HEY1: variants seen among roughly 807,000 people sequenced by gnomAD.
HEY1 encodes the protein hes related family bHLH transcription factor with YRPW motif 1.
HEY1 carries 9 observed loss-of-function variants against 28.7 expected under a neutral mutation model. The observed-to-expected ratio is 0.31, with a 90% CI of 0.19 to 0.55. The LOEUF is 0.55. Ranked by LOEUF, HEY1 falls within the 20% of genes least tolerant of loss-of-function variation. The pLI is 0.93. For missense variants in HEY1, 385 were observed against 399.4 expected, an observed-to-expected ratio of 0.96 and a Z score of 0.31; for synonymous variants, 213 against 175.6, an observed-to-expected ratio of 1.21 and a Z score of -1.68.
rs1400699255 is a variant in HEY1 at position 79,766,689 on chromosome 8, A to C, written c.293T>G (p.Val98Gly). ...CGTATGCAGCATTTTCAGGTGATCC[A>C]CGGTCATCTGCAGGATCTCGGCTTT... ...LEKAEILQMT[V>G]DHLKMLHTAG... is the part of the protein sequence containing the mutation. Residue 98 changes from valine (V) to glycine (G), a missense_variant, in exon 4 of 5, where the codon GTG becomes GGG. By Grantham distance (109) the Val-to-Gly change is moderately radical. Transcript: ENST00000354724. 6.2e-7 allele frequency: 1 copy of C among 1,614,226 alleles called. No homozygotes were observed. Among genetic ancestry groups the C allele is most frequent in the Non-Finnish European group, 8.5e-7 (1 of 1,180,042 alleles).
chr8:79,765,650 T>C lies in HEY1; in HGVS notation c.453A>G (p.Arg151=). The C allele has an allele frequency of 6.2e-7, 1 of 1,614,236 alleles. No individual in the cohort carries two copies. Among genetic ancestry groups the C allele is most frequent in the Non-Finnish European group, 8.5e-7 (1 of 1,180,036 alleles). The change falls in exon 5 of 5, where the codon CGA becomes CGG. Residue 151 remains arginine, a synonymous_variant. Transcript: ENST00000354724. The stretch of plus-strand genomic sequence containing the variant: ...TGTTGAGATGCGAAACCAGTCGAAC[T>C]CGAAGCGGGTCAGAGGCATCTAGTC... The part of the protein sequence containing the change: ...IEGLDASDPL[R]VRLVSHLNNY...
rs1478259478 is a variant in HEY1 at position 79,767,084 on chromosome 8, C to T, written c.174G>A (p.Glu58=). Reference sequence around the variant, plus strand: ...TATTGATCCGGTCTCGTCGGCGCTTCTCAATTATCTGCAGAAGGCAAGCAA... The same window carrying T: ...TATTGATCCGGTCTCGTCGGCGCTTTTCAATTATCTGCAGAAGGCAAGCAA... ...LARKRRRGII[E]KRRRDRINNS... The change falls in exon 3 of 5, where the codon GAG becomes GAA. Residue 58 remains glutamate (E), a synonymous_variant. Coordinates refer to ENST00000354724, the MANE Select transcript of HEY1 (RefSeq NM_012258.4). 9.9e-6 allele frequency: 16 copies of T among 1,613,770 alleles called. No individual in the cohort carries two copies. Among genetic ancestry groups the T allele is most frequent in the Non-Finnish European group, 1.4e-5 (16 of 1,179,802 alleles).
rs573909607 is a variant in HEY1 at position 79,766,283 on chromosome 8, A to T, written c.331+368T>A. The T allele has an allele frequency of 2.4e-4, 373 of 1,523,048 alleles. 1 individual carries two copies. In the African/African-American group the frequency reaches 4.4e-3, roughly 18 times the overall value. The allele number at this position is 1,523,048 out of a possible 1,614,324, so 94.3% of individuals were successfully genotyped here. A position where few individuals can be genotyped will look rare whatever the true frequency, so the allele number is the denominator to read the frequency against. ...AGGCATGTGGCAGCACCTTTTTTTT[A>T]AAATCCCGTATACCAAAAATAAGAC... On this transcript the variant is annotated intron_variant, in intron 4 of 4. Coordinates refer to ENST00000354724, the MANE Select transcript of HEY1 (RefSeq NM_012258.4).
Position 79,765,357 on chromosome 8 carries a change from T to C in HEY1, c.746A>G (p.Lys249Arg). ...PVLPVVTSASKLSPPLLSSVA... is the reference protein window; with the variant it reads ...PVLPVVTSASRLSPPLLSSVA... ...TGAGGAGAGCAGAGGCGGCGACAGT[T>C]TGGAGGCGGAGGTGACCACAGGGAG... Residue 249 changes from lysine (K) to arginine (R), a missense_variant, in exon 5 of 5, where the codon AAA becomes AGA. This residue lies in a region of HEY1 where 223 missense variants were observed against 215.9 expected (regional missense o/e 1.03). Coordinates refer to ENST00000354724, the MANE Select transcript of HEY1 (RefSeq NM_012258.4). 2 of 1,583,930 alleles carry C rather than the reference T, an allele frequency of 1.3e-6. No homozygotes were observed. The highest frequency in any genetic ancestry group is 1.1e-5 in the South Asian group (1 of 87,588).
chr8:79,765,800 A>C, intron 4 of HEY1, 29 bp from the exon 5 acceptor site: 135 of 1,564,856 alleles, frequency 8.6e-5, no homozygotes, highest in Middle Eastern at 1.7e-4. Context: ...GAAAAATCTC[A>C]GGGCTTTGCC....
rs751113723 is a variant in HEY1, at chr8:79,765,549, C to G, written c.554G>C (p.Gly185Ala). The G allele has an allele frequency of 6.2e-7, 1 of 1,614,020 alleles. No individual in the cohort carries two copies. The highest frequency in any genetic ancestry group is 1.1e-5 in the South Asian group (1 of 91,080). ...CGGGTGCGCGATGTGCGGGTGATGT[C>G]CGAAGACGGTCCCCCAGGGAATGTG... is the stretch of plus-strand genomic sequence containing the variant. ...LGHIPWGTVF[G>A]HHPHIAHPLL... The change falls in exon 5 of 5, where the codon GGA (glycine) becomes GCA (alanine). Residue 185 changes from glycine to alanine, a missense_variant. By Grantham distance (60) the Gly-to-Ala change is moderately conservative (BLOSUM62 0). Transcript: ENST00000354724.
chr8:79,765,116 A>T lies in HEY1; in HGVS notation c.*72T>A. On this transcript the variant is annotated 3_prime_UTR_variant, in exon 5 of 5. Transcript: ENST00000354724. ...CCTTTTTACTTTTACTGACGACTTTAAGGTGATGTTGGCAACAGTCCAGCC... is the reference window on the plus strand; with the variant it reads ...CCTTTTTACTTTTACTGACGACTTTTAGGTGATGTTGGCAACAGTCCAGCC... The T allele has an allele frequency of 9.5e-7, 1 of 1,053,128 alleles. No homozygotes were observed. The highest frequency in any genetic ancestry group is 1.3e-6 in the Non-Finnish European group (1 of 749,590). The allele number at this position is 1,053,128 out of a possible 1,614,324, so 65.2% of individuals were successfully genotyped here.
intron 1 of HEY1, 33 bp downstream of exon 1, chr8:79,767,542 T>TGGCTC (rs1348983090): frequency 3.0e-5 from 47 of 1,577,768 alleles, no homozygotes; most frequent in Middle Eastern, 1.7e-4. Context: ...CCTCCCGCTC[T>TGGCTC]GGCTCGGCTC....
At chr8:79,765,884 C>A in intron 4 of HEY1, 113 bp from the exon 5 acceptor site, 1 of 915,610 alleles carries the variant, frequency 1.1e-6, no homozygotes, top group Non-Finnish European at 1.6e-6. Flanking sequence ...ACACAACAGT[C>A]AGGGGTTCTT....
chr8:79,764,829 A>C lies in HEY1; in HGVS notation c.*359T>G, dbSNP rs1339730757. ...ATACAAGGAGAAAAACAGACCAAAA[A>C]TACTAAATGTTAAGATTCCCCAAAT... On this transcript the variant is annotated 3_prime_UTR_variant, in exon 5 of 5. Transcript: ENST00000354724. 2 of 238,788 alleles carry C rather than the reference A, an allele frequency of 8.4e-6. No homozygotes were observed. The highest frequency in any genetic ancestry group is 1.6e-5 in the Non-Finnish European group (2 of 122,850). The allele number at this position is 238,788 out of a possible 1,614,324, so 14.8% of individuals were successfully genotyped here.
intron 3 of HEY1, 25 bp downstream of exon 3, chr8:79,766,984 G>C (rs377726456): frequency 5.9e-5 from 93 of 1,588,750 alleles, no homozygotes; most frequent in Non-Finnish European, 7.8e-5. Context: ...GCTATGCTGA[G>C]AGCTTTACCT....
Position 79,765,493 on chromosome 8 carries a change from C to T in HEY1, c.610G>A (p.Ala204Thr). 1 of 1,613,540 alleles carries T rather than the reference C, an allele frequency of 6.2e-7. No homozygotes were observed. Among genetic ancestry groups the T allele is most frequent in the Middle Eastern group, 1.7e-4 (1 of 6,054 alleles). Reference sequence around the variant, plus strand: ...TCCGTGGGTGAGGCCGTGGTGCCCGCGTTCCCGTGGCCGTTCTGGGGCAGC... The same window carrying T: ...TCCGTGGGTGAGGCCGTGGTGCCCGTGTTCCCGTGGCCGTTCTGGGGCAGC... ...LLLPQNGHGN[A>T]GTTASPTEPH... Residue 204 changes from alanine (A) to threonine (T), a missense_variant, in exon 5 of 5, where the codon GCG (alanine) becomes ACG (threonine). Coordinates refer to ENST00000354724, the MANE Select transcript of HEY1 (RefSeq NM_012258.4).
At position 79,767,607 on chromosome 8, in the gene HEY1, G is replaced by A. The variant is rs753731504; in HGVS notation, c.57C>T (p.Ile19=). ...SSSDSELDET[I]EVEKESADEN... ...CGTCCGCACTCTCCTTCTCCACCTC[G>A]ATGGTCTCGTCCAGCTCGCTGTCCG... is the stretch of plus-strand genomic sequence containing the variant. Residue 19 remains isoleucine, a synonymous_variant, in exon 1 of 5, where the codon ATC becomes ATT. Coordinates refer to ENST00000354724, the MANE Select transcript of HEY1 (RefSeq NM_012258.4). 5 of 1,610,478 alleles carry A rather than the reference G, an allele frequency of 3.1e-6. No homozygotes were observed. The highest frequency in any genetic ancestry group is 4.2e-6 in the Non-Finnish European group (5 of 1,178,922).
At position 79,765,186 on chromosome 8, in the gene HEY1, C is replaced by G; in HGVS notation, c.*2G>C. ...TCCCCTCCCTCATTCTACATCAGTT[C>G]TTTAAAAAGCTCCGATCTCCGTCCC... On this transcript the variant is annotated 3_prime_UTR_variant, in exon 5 of 5. Coordinates refer to ENST00000354724, the MANE Select transcript of HEY1 (RefSeq NM_012258.4). The G allele has an allele frequency of 1.3e-6, 2 of 1,541,386 alleles. No homozygotes were observed. The highest frequency in any genetic ancestry group is 2.4e-5 in the South Asian group (2 of 82,984).
chr8:79,764,978 G>T lies in HEY1; in HGVS notation c.*210C>A. 2.2e-6 allele frequency: 1 copy of T among 457,568 alleles called. No individual in the cohort carries two copies. The highest frequency in any genetic ancestry group is 3.9e-5 in the Admixed American group (1 of 25,808). 28.3% of individuals were successfully genotyped at this position (457,568 alleles called of 1,614,324 possible). ...TGTCTTGAACAAAATTTAACAACTAGTTTTTAAAAACTGCTAATACATGAC... is the reference window on the plus strand; with the variant it reads ...TGTCTTGAACAAAATTTAACAACTATTTTTTAAAAACTGCTAATACATGAC... On this transcript the variant is annotated 3_prime_UTR_variant, in exon 5 of 5. Transcript: ENST00000354724.
rs1554553908 is a variant in HEY1, at chr8:79,767,556, T to TCCGCC, written c.89+14_89+18dup. On this transcript the variant is annotated intron_variant, in intron 1 of 4. Coordinates refer to ENST00000354724, the MANE Select transcript of HEY1 (RefSeq NM_012258.4). ...GCCTCCCGCTCTGGCTCGGCTCCGC[T>TCCGCC]CCGCCGCCGCCAGCTCACCCATTCT... 3.1e-6 allele frequency: 5 copies of TCCGCC among 1,588,832 alleles called. No homozygotes were observed. In the African/African-American group the frequency reaches 6.8e-5, roughly 21 times the overall value.
At chr8:79,767,418 C>T in intron 1 of HEY1, 124 bp from the exon 2 acceptor site, 2 of 1,126,404 alleles carry the variant, frequency 1.8e-6, no homozygotes, top group Non-Finnish European at 2.6e-6. Flanking sequence ...CTGGAAGGCA[C>T]CTAGGGGTTC....
Position 79,765,146 on chromosome 8 carries a change from T to A in HEY1, c.*42A>T. The A allele has an allele frequency of 7.1e-7, 1 of 1,399,052 alleles. No homozygotes were observed. Among genetic ancestry groups the A allele is most frequent in the Non-Finnish European group, 9.7e-7 (1 of 1,032,382 alleles). 86.7% of individuals were successfully genotyped at this position (1,399,052 alleles called of 1,614,324 possible). ...GATGTTGGCAACAGTCCAGCCCAGC[T>A]GGGATTTTAAACTTTCCCCTCCCTC... is the stretch of plus-strand genomic sequence containing the variant. On this transcript the variant is annotated 3_prime_UTR_variant, in exon 5 of 5. Coordinates refer to ENST00000354724, the MANE Select transcript of HEY1 (RefSeq NM_012258.4).
chr8:79,766,164 A>G lies in HEY1; in HGVS notation c.332-393T>C, dbSNP rs1039724353. On this transcript the variant is annotated intron_variant, in intron 4 of 4. Transcript: ENST00000354724. The stretch of plus-strand genomic sequence containing the variant: ...CGGAGCTTTTAGGCACTTGGACCTC[A>G]GTAAAGCATTTTCCTGCTGGAGAGA... 8.2e-6 allele frequency: 12 copies of G among 1,471,008 alleles called. No individual in the cohort carries two copies. In the African/African-American group the frequency reaches 1.7e-4, roughly 21 times the overall value. 91.1% of individuals were successfully genotyped at this position (1,471,008 alleles called of 1,614,324 possible). A position where few individuals can be genotyped will look rare whatever the true frequency, so the allele number is the denominator to read the frequency against.
Sources: gnomAD v4.1 joint callset for allele counts on GRCh38, gnomAD v4.1.1 for gene constraint, gnomAD v4.1.1 regional missense constraint, MANE v1.5 for transcripts, NCBI Gene and HGNC (gene_info 2026-07-23, HGNC 2026-07-21) for gene names.